The following LGR5 variants were observed in gnomAD, a reference collection of about 807,000 sequenced individuals.
The protein encoded by LGR5 is leucine rich repeat containing G protein-coupled receptor 5, also known as leucine-rich repeat-containing G protein-coupled receptor 5.
A neutral mutation model predicts 76.7 loss-of-function variants in LGR5; 54 were observed. The observed-to-expected ratio is 0.70, with a 90% CI of 0.57 to 0.88. The LOEUF is 0.88. Ranked by LOEUF, LGR5 falls within the 40% of genes least tolerant of loss-of-function variation. The probability of loss-of-function intolerance (pLI) is 0.00; values close to 1 mark genes in which losing one functional copy is unlikely to be tolerated. For missense variants in LGR5, 1,078 were observed against 1,073.3 expected, an observed-to-expected ratio of 1.00 and a Z score of -0.06; for synonymous variants, 406 against 421.9, an observed-to-expected ratio of 0.96 and a Z score of 0.46.
At chr12:71,465,055 G>A (rs953854316) in intron 1 of LGR5, among the ~76,000 whole-genome samples, 2 of 152,090 alleles carry the variant, frequency 1.3e-5, no homozygotes, top group Non-Finnish European at 2.9e-5. Flanking sequence ...CCTTCAGACC[G>A]ACCAGTTATT....
chr12:71,580,391 A>G lies in LGR5; in HGVS notation c.1520A>G (p.His507Arg), dbSNP rs1170474112. 2.5e-6 allele frequency: 4 copies of G among 1,613,776 alleles called. No individual in the cohort carries two copies. The highest frequency in any genetic ancestry group is 3.3e-5 in the Admixed American group (2 of 59,906). The change falls in exon 16 of 18, where the codon CAT (histidine) becomes CGT (arginine). Residue 507 changes from histidine (H) to arginine (R), a missense_variant. His to Arg is a conservative substitution (Grantham distance 29). Transcript: ENST00000266674. ...GACAACAGCAGTATGGACGACCTTCATAAGAAAGATGCTGGAATGTTTCAG... is the reference window on the plus strand; with the variant it reads ...GACAACAGCAGTATGGACGACCTTCGTAAGAAAGATGCTGGAATGTTTCAG... The part of the protein sequence containing the change: ...KGDNSSMDDL[H>R]KKDAGMFQAQ...
In LGR5 at chr12:71,545,041, G is replaced by A. The variant is rs540541322; in HGVS notation, c.429-8032G>A. On this transcript the variant is annotated intron_variant, in intron 4 of 17. Coordinates refer to ENST00000266674, the MANE Select transcript of LGR5 (RefSeq NM_003667.4). ...AAACCCAGCACTTTGGGAAGCCGAGGCAGGAGGATTGCTTGAGCCCAGGAG... is the reference window on the plus strand; with the variant it reads ...AAACCCAGCACTTTGGGAAGCCGAGACAGGAGGATTGCTTGAGCCCAGGAG... Among the ~76,000 whole-genome samples the A allele has an allele frequency of 4.6e-5, 7 of 152,232 alleles. No individual in the cohort carries two copies. The South Asian group carries it at 8.3e-4, about 18-fold the overall frequency.
At chr12:71,470,006 G>A (rs1426075278) in intron 1 of LGR5, among the ~76,000 whole-genome samples, 1 of 152,072 alleles carries the variant, frequency 6.6e-6, no homozygotes, top group East Asian at 1.9e-4. Flanking sequence ...ACCCGCTGTG[G>A]GCTGACTGTC....
intron 15 of LGR5, among the ~76,000 whole-genome samples, chr12:71,579,490 T>A (rs566518648): frequency 3.4e-4 from 52 of 152,328 alleles, no homozygotes; most frequent in African/African-American, 1.2e-3. Context: ...ATCTTTTTTT[T>A]AATTTTTAAT....
chr12:71,513,333 C>T (rs1875263304), intron 2 of LGR5, among the ~76,000 whole-genome samples: 1 of 152,126 alleles, frequency 6.6e-6, no homozygotes, highest in Non-Finnish European at 1.5e-5. Context: ...AAATAAAAAG[C>T]AATGGGCAAT....
At chr12:71,571,432 T>C (rs1175872544) in intron 11 of LGR5, 82 bp from the exon 12 acceptor site, 1 of 1,022,712 alleles carries the variant, frequency 9.8e-7, no homozygotes, top group African/African-American at 1.6e-5. Flanking sequence ...TATAACATCT[T>C]GGAGGGAAAA....
intron 1 of LGR5, among the ~76,000 whole-genome samples, chr12:71,480,783 A>G (rs184461677): frequency 1.3e-5 from 2 of 152,280 alleles, no homozygotes; most frequent in Non-Finnish European, 2.9e-5. Context: ...ATGCTGCACT[A>G]AGGGCATTTG....
At position 71,504,686 on chromosome 12, in the gene LGR5, G is replaced by C; in HGVS notation, c.284+1G>C. ...CCAGTCTCCGCTTCCTGGAGGAGTT[G>C]TAAGTATCACTGTAGTCTTGATGCA... is the stretch of plus-strand genomic sequence containing the variant. On this transcript the variant is annotated splice_donor_variant, in intron 2 of 17. Transcript: ENST00000266674. LOFTEE classifies it high-confidence loss of function. 1.2e-6 allele frequency: 2 copies of C among 1,609,878 alleles called. No homozygotes were observed. The highest frequency in any genetic ancestry group is 1.7e-6 in the Non-Finnish European group (2 of 1,176,148).
At chr12:71,580,729 C>G (rs1486925342) in intron 16 of LGR5, among the ~76,000 whole-genome samples, 1 of 151,972 alleles carries the variant, frequency 6.6e-6, no homozygotes, top group Non-Finnish European at 1.5e-5. Context: ...ACCCGGGAGG[C>G]AGGTTGATTC....
chr12:71,509,191 C>G (rs1347017130), intron 2 of LGR5, among the ~76,000 whole-genome samples: 2 of 152,164 alleles, frequency 1.3e-5, no homozygotes, highest in Non-Finnish European at 2.9e-5. Flanking sequence ...CCACTTAATG[C>G]TCACTAGGCC....
At chr12:71,549,621 G>A (rs1439217454) in intron 4 of LGR5, among the ~76,000 whole-genome samples, 3 of 152,128 alleles carry the variant, frequency 2.0e-5, no homozygotes, top group Non-Finnish European at 4.4e-5. Context: ...AATTAAATCA[G>A]ATAATGCCTT....
chr12:71,559,671 A>C lies in LGR5; in HGVS notation c.785+17A>C, dbSNP rs763401759. ...TAAAGAACTGTAAGTATTTAGGACAATTTTAATGGGAGAACTTTATCCTTT... is the reference window on the plus strand; with the variant it reads ...TAAAGAACTGTAAGTATTTAGGACACTTTTAATGGGAGAACTTTATCCTTT... On this transcript the variant is annotated intron_variant, in intron 7 of 17. Transcript: ENST00000266674. 7.8e-7 allele frequency: 1 copy of C among 1,281,814 alleles called. No homozygotes were observed. The highest frequency in any genetic ancestry group is 1.1e-6 in the Non-Finnish European group (1 of 883,034). The allele number at this position is 1,281,814 out of a possible 1,614,324, so 79.4% of individuals were successfully genotyped here. A position where few individuals can be genotyped will look rare whatever the true frequency, so the allele number is the denominator to read the frequency against.
At chr12:71,552,061 A>G (rs948501513) in intron 4 of LGR5, among the ~76,000 whole-genome samples, 3 of 151,818 alleles carry the variant, frequency 2.0e-5, no homozygotes, top group African/African-American at 7.3e-5. Context: ...AGAGAGGGGA[A>G]CATCATACAT....
At position 71,440,782 on chromosome 12, in the gene LGR5, T is replaced by TG. The variant is rs1871729934; in HGVS notation, c.212+491dup. Among the ~76,000 whole-genome samples the TG allele has an allele frequency of 6.6e-6, 1 of 152,222 alleles. No homozygotes were observed. Among genetic ancestry groups the TG allele is most frequent in the East Asian group, 1.9e-4 (1 of 5,182 alleles). On this transcript the variant is annotated intron_variant, in intron 1 of 17. Coordinates refer to ENST00000266674, the MANE Select transcript of LGR5 (RefSeq NM_003667.4). This position sits in a 1 kb window ranked among gnomAD's most constrained non-coding sequence, Gnocchi z 5.3. ...CAAAGGGTTTTTAGTCTGCATCCCT[T>TG]GCACTGTGACGTGATGTAACCTTTT... is the stretch of plus-strand genomic sequence containing the variant.
At chr12:71,520,547 A>T (rs1204496660) in intron 2 of LGR5, among the ~76,000 whole-genome samples, 1 of 152,164 alleles carries the variant, frequency 6.6e-6, no homozygotes, top group Admixed American at 6.5e-5. Context: ...ATAAAAAAGG[A>T]TGAGTTTATG....
intron 1 of LGR5, among the ~76,000 whole-genome samples, chr12:71,498,719 A>G (rs35051394): frequency 0.091 from 13,848 of 152,278 alleles, 669 homozygotes; most frequent in Non-Finnish European, 0.11. Flanking sequence ...TCAGTTTATA[A>G]CACACAGTAA....
chr12:71,569,028 T>C (rs1592555062), intron 11 of LGR5, among the ~76,000 whole-genome samples: 1 of 152,206 alleles, frequency 6.6e-6, no homozygotes, highest in Admixed American at 6.5e-5. Context: ...ATAAACATGG[T>C]ACCTTTATAT....
intron 1 of LGR5, among the ~76,000 whole-genome samples, chr12:71,454,020 A>T (rs1249154774): frequency 6.6e-6 from 1 of 152,064 alleles, no homozygotes; most frequent in Non-Finnish European, 1.5e-5. Context: ...TCAAGCAGGA[A>T]GCCTCTGGAA....
intron 11 of LGR5, 149 bp downstream of exon 11, chr12:71,567,061 G>T: frequency 1.5e-6 from 1 of 661,184 alleles, no homozygotes. Flanking sequence ...TGCCCTCTTT[G>T]GTCCAGGCTC....
Sources: allele counts gnomAD v4.1 joint callset (sites outside exome capture counted in the v4.1 genomes callset), GRCh38; gene constraint gnomAD v4.1.1; non-coding constraint Gnocchi (gnomAD v3.1); transcripts MANE v1.5; gene names NCBI Gene and HGNC (gene_info 2026-07-23, HGNC 2026-07-21).